The following PTCD1 variants were observed in gnomAD, a reference collection of about 807,000 sequenced individuals.
PTCD1 encodes the protein pentatricopeptide repeat-containing protein 1, mitochondrial.
A neutral mutation model predicts 53.4 loss-of-function variants in PTCD1; 50 were observed. The observed-to-expected ratio is 0.94, with a 90% CI of 0.75 to 1.19. The LOEUF is 1.19. Among genes scored for constraint, PTCD1 ranks in the 50% most tolerant of loss-of-function variants. The probability of loss-of-function intolerance (pLI) is 0.00; values close to 1 mark genes in which losing one functional copy is unlikely to be tolerated. For synonymous variants in PTCD1, 413 were observed against 394.8 expected, an observed-to-expected ratio of 1.05 and a Z score of -0.55; for missense variants, 918 against 904.8, an observed-to-expected ratio of 1.01 and a Z score of -0.19.
chr7:99,425,445 G>C lies in PTCD1; in HGVS notation c.1087C>G (p.Pro363Ala), dbSNP rs566914001. 3 of 1,613,906 alleles carry C rather than the reference G, an allele frequency of 1.9e-6. No individual in the cohort carries two copies. The East Asian group carries it at 6.7e-5, about 36-fold the overall frequency. ...GCCTTGGCCTGGGCTGTCCTCCTTG[G>C]CCGCTGCCTGCTCACTGGGGGCTGA... Reference protein sequence around the residue: ...VLQPPVSRQRPRRTAQAKAGN... With the variant: ...VLQPPVSRQRARRTAQAKAGN... Residue 363 changes from proline (P) to alanine (A), a missense_variant, in exon 6 of 8, where the codon CCA (proline) becomes GCA (alanine). Physicochemically the swap from Pro to Ala is conservative, Grantham distance 27. Transcript: ENST00000292478.
intron 7 of PTCD1, 69 bp downstream of exon 7, chr7:99,423,706 G>C: frequency 6.2e-7 from 1 of 1,609,386 alleles, no homozygotes. Flanking sequence ...CAGAACCGGG[G>C]TTGGGTGGTG....
chr7:99,429,704 T>C lies in PTCD1; in HGVS notation c.697A>G (p.Lys233Glu). 6.2e-7 allele frequency: 1 copy of C among 1,614,188 alleles called. No individual in the cohort carries two copies. The highest frequency in any genetic ancestry group is 1.1e-5 in the South Asian group (1 of 91,086). The change falls in exon 4 of 8, where the codon AAG becomes GAG. Residue 233 changes from lysine (K) to glutamate (E), a missense_variant. Coordinates refer to ENST00000292478, the MANE Select transcript of PTCD1 (RefSeq NM_015545.4). ...TTGGCCTGCAGCTGCTGCCGGAGCT[T>C]CAGGGCGCTCTGTAGAGCTGAGTCC... ...WKDSALQSAL[K>E]LRQQLQAKNF...
At position 99,433,265 on chromosome 7, in the gene PTCD1, C is replaced by G. The variant is rs376694075; in HGVS notation, c.594+13G>C. On this transcript the variant is annotated intron_variant, in intron 3 of 7. Transcript: ENST00000292478. ...TCAGAGCCTCACCCCGGCTGCCCTG[C>G]GCCCACATGCACCTGGTTGTAGAGG... 1.6e-5 allele frequency: 26 copies of G among 1,614,064 alleles called. No homozygotes were observed. The highest frequency in any genetic ancestry group is 2.0e-5 in the Non-Finnish European group (24 of 1,180,030).
At chr7:99,427,290 G>A (rs1188396660) in intron 5 of PTCD1, among the ~76,000 whole-genome samples, 24 of 134,842 alleles carry the variant, frequency 1.8e-4, no homozygotes, top group South Asian at 7.1e-4. Flanking sequence ...CTAGCACCCC[G>A]TCCAGGAGGG....
Position 99,419,577 on chromosome 7 carries a change from C to A in PTCD1, c.*390G>T. On this transcript the variant is annotated 3_prime_UTR_variant, in exon 8 of 8. Transcript: ENST00000292478. ...CTATGGGGAAGGCTTCGCTGTCTAT[C>A]AGCTGTGATTTGTAAAAATAAAATC... 1 of 981,584 alleles carries A rather than the reference C, an allele frequency of 1.0e-6. No individual in the cohort carries two copies. The highest frequency in any genetic ancestry group is 1.6e-5 in the African/African-American group (1 of 61,632). The allele number at this position is 981,584 out of a possible 1,614,324, so 60.8% of individuals were successfully genotyped here. A position where few individuals can be genotyped will look rare whatever the true frequency, so the allele number is the denominator to read the frequency against.
intron 7 of PTCD1, among the ~76,000 whole-genome samples, chr7:99,421,477 G>A (rs1411081901): frequency 5.3e-5 from 8 of 150,800 alleles, no homozygotes; most frequent in African/African-American, 2.0e-4. Context: ...CGGCATGGGG[G>A]CTCACAACTA....
At chr7:99,427,718 AAAG>A (rs1250205747) in intron 5 of PTCD1, among the ~76,000 whole-genome samples, 13 of 152,132 alleles carry the variant, frequency 8.5e-5, no homozygotes, top group African/African-American at 3.1e-4. Flanking sequence ...GTCTGTGTAG[AAAG>A]AAGTAGACAT....
chr7:99,424,747 G>A (rs746986377), intron 6 of PTCD1, 48 bp downstream of exon 6: 1 of 1,608,402 alleles, frequency 6.2e-7, no homozygotes, highest in South Asian at 1.1e-5. Flanking sequence ...GAGCTGCAGA[G>A]TGCTCCTGAG....
rs1171634056 is a variant in PTCD1, at chr7:99,417,322, G to GGATTACAGGT, written c.*2635_*2644dup. On this transcript the variant is annotated 3_prime_UTR_variant, in exon 8 of 8. Transcript: ENST00000292478. ...CCTGCCTCGGCCTCCCAAAGTGCTG[G>GGATTACAGGT]GATTACAGGTGTGAGCCACTGCACC... is the stretch of plus-strand genomic sequence containing the variant. 3.4e-6 allele frequency: 4 copies of GGATTACAGGT among 1,161,042 alleles called. No individual in the cohort carries two copies. The African/African-American group carries it at 6.1e-5, about 18-fold the overall frequency. The allele number at this position is 1,161,042 out of a possible 1,614,324, so 71.9% of individuals were successfully genotyped here. A position where few individuals can be genotyped will look rare whatever the true frequency, so the allele number is the denominator to read the frequency against.
chr7:99,433,476 A>AGAG (rs1796339041), intron 2 of PTCD1, 58 bp from the exon 3 acceptor site: 2 of 1,612,796 alleles, frequency 1.2e-6, no homozygotes, highest in Non-Finnish European at 1.7e-6. Context: ...CCCTCAGCAG[A>AGAG]GAGAGGGAGG....
chr7:99,434,418 C>T (rs1413502931), intron 2 of PTCD1, among the ~76,000 whole-genome samples: 1 of 152,002 alleles, frequency 6.6e-6, no homozygotes, highest in Non-Finnish European at 1.5e-5. Context: ...CACTGCACTC[C>T]AGCCTGGGCG....
intron 3 of PTCD1, among the ~76,000 whole-genome samples, chr7:99,431,887 C>T (rs980709737): frequency 1.3e-5 from 2 of 152,194 alleles, no homozygotes; most frequent in African/African-American, 4.8e-5. Flanking sequence ...TAACCCTAGC[C>T]CCAACCCTGT....
chr7:99,433,921 A>G (rs1383130577), intron 2 of PTCD1, among the ~76,000 whole-genome samples: 1 of 151,886 alleles, frequency 6.6e-6, no homozygotes, highest in Non-Finnish European at 1.5e-5. Context: ...GCATGGTGGC[A>G]CACACCTGTA....
At chr7:99,431,014 G>C (rs1796229618) in intron 3 of PTCD1, among the ~76,000 whole-genome samples, 1 of 152,034 alleles carries the variant, frequency 6.6e-6, no homozygotes, top group Non-Finnish European at 1.5e-5. Flanking sequence ...GGTGGAGGTT[G>C]CATTGAGCCG....
intron 3 of PTCD1, among the ~76,000 whole-genome samples, chr7:99,432,120 A>T (rs1796279662): frequency 1.3e-5 from 2 of 152,196 alleles, no homozygotes; most frequent in Non-Finnish European, 2.9e-5. Flanking sequence ...TGATAGCCTG[A>T]GATATGGCCT....
In PTCD1 at chr7:99,419,075, G is replaced by T; in HGVS notation, c.*892C>A. The T allele has an allele frequency of 2.6e-6, 1 of 390,464 alleles. No homozygotes were observed. The allele number at this position is 390,464 out of a possible 1,614,324, so 24.2% of individuals were successfully genotyped here. On this transcript the variant is annotated 3_prime_UTR_variant, in exon 8 of 8. Transcript: ENST00000292478. ...GCAGAGCCACGTCTGCTCATCGCAG[G>T]GTCTGTCATGCTCACTTAGCAGAAT...
At position 99,417,490 on chromosome 7, in the gene PTCD1, A is replaced by G. The variant is rs200656991; in HGVS notation, c.*2477T>C. On this transcript the variant is annotated 3_prime_UTR_variant, in exon 8 of 8. Coordinates refer to ENST00000292478, the MANE Select transcript of PTCD1 (RefSeq NM_015545.4). ...ACAAAAACCTGATTGCAAAATGGAA[A>G]AAGCAAGGATATGAGAACTTGTGCT... 3.7e-6 allele frequency: 6 copies of G among 1,611,742 alleles called. No homozygotes were observed. The Admixed American group carries it at 8.4e-5, about 23-fold the overall frequency.
chr7:99,420,241 G>C (rs1327346182), intron 7 of PTCD1, 92 bp from the exon 8 acceptor site: 1 of 1,575,196 alleles, frequency 6.3e-7, no homozygotes, highest in Middle Eastern at 1.7e-4. Flanking sequence ...GGAAGCTGGT[G>C]GCTGCCATTT....
At chr7:99,435,900 A>G (rs1454743905) in intron 1 of PTCD1, among the ~76,000 whole-genome samples, 2 of 150,960 alleles carry the variant, frequency 1.3e-5, no homozygotes, top group East Asian at 3.9e-4. Context: ...GCGCCACTGC[A>G]CTCCAGCCTG....
Sources: gnomAD v4.1 joint callset for allele counts (sites outside exome capture counted in the v4.1 genomes callset) on GRCh38, gnomAD v4.1.1 for gene constraint, MANE v1.5 for transcripts, NCBI Gene and HGNC (gene_info 2026-07-23, HGNC 2026-07-21) for gene names.